PACRGL: variants seen among roughly 807,000 people sequenced by gnomAD.
The protein encoded by PACRGL is parkin coregulated like.
A neutral mutation model predicts 34.5 loss-of-function variants in PACRGL; 38 were observed. The ratio of observed to expected loss-of-function variants is 1.10; its 90% CI spans 0.85 to 1.44. The LOEUF (loss-of-function observed/expected upper bound fraction) is 1.44, where lower values mean the gene tolerates loss of function less well. Ranked by LOEUF, PACRGL falls within the 40% of genes most tolerant of loss-of-function variation. The pLI, the probability that PACRGL is intolerant of heterozygous loss-of-function variation, is 0.00. For missense variants in PACRGL, 305 were observed against 281.4 expected, an observed-to-expected ratio of 1.08 and a Z score of -0.60; for synonymous variants, 128 against 100.1, an observed-to-expected ratio of 1.28 and a Z score of -1.66.
In PACRGL at chr4:20,742,763, A is replaced by G. The variant is rs182508849; in HGVS notation, c.*57-9802A>G. Among the ~76,000 whole-genome samples the G allele has an allele frequency of 2.3e-3, 355 of 152,234 alleles. 8 individuals are homozygous for G. In the South Asian group the frequency reaches 0.046, roughly 20 times the overall value. On this transcript the variant is annotated intron_variant, in intron 8 of 8. Transcript: ENST00000507634. ...TAAAGGGTATTCAATTAGGGAAAGA[A>G]GAAGTCAAATTTTCCCTGTTTGCGG...
chr4:20,750,660 G>C (rs1156961323), intron 8 of PACRGL, among the ~76,000 whole-genome samples: 1 of 151,416 alleles, frequency 6.6e-6, no homozygotes, highest in Non-Finnish European at 1.5e-5. Flanking sequence ...TTTCCTTATT[G>C]TTTTCTGTTC....
Position 20,730,176 on chromosome 4 carries a change from G to GAAAAGTACACTAT in PACRGL, c.*2836_*2848dup. On this transcript the variant is annotated 3_prime_UTR_variant, in exon 9 of 9. Coordinates refer to ENST00000503585, the MANE Select transcript of PACRGL (RefSeq NM_001258345.3). ...CGATTAAATTCAGCATATCTGCAAGGAAAAGTACACTATTTTGCCCCTGAG... is the reference window on the plus strand; with the variant it reads ...CGATTAAATTCAGCATATCTGCAAGGAAAAGTACACTATAAAAGTACACTATTTTGCCCCTGAG... The GAAAAGTACACTAT allele has an allele frequency of 1.3e-6, 2 of 1,567,762 alleles. No individual in the cohort carries two copies. Among genetic ancestry groups the GAAAAGTACACTAT allele is most frequent in the African/African-American group, 2.7e-5 (2 of 73,382 alleles).
intron 8 of PACRGL, among the ~76,000 whole-genome samples, chr4:20,739,514 A>G (rs544181926): frequency 6.6e-6 from 1 of 152,282 alleles, no homozygotes; most frequent in South Asian, 2.1e-4. Flanking sequence ...TGACTGTTAG[A>G]AGGAAAACTG....
chr4:20,712,191 C>G (rs185195913), intron 5 of PACRGL, among the ~76,000 whole-genome samples: 3 of 149,610 alleles, frequency 2.0e-5, no homozygotes, highest in African/African-American at 7.4e-5. Context: ...ATTTTATTTT[C>G]TCTTTCTTCT....
chr4:20,723,206 T>C (rs1744159764), intron 7 of PACRGL, among the ~76,000 whole-genome samples: 1 of 152,188 alleles, frequency 6.6e-6, no homozygotes, highest in African/African-American at 2.4e-5. Flanking sequence ...TTGGCAGATA[T>C]TTGTAAGCTT....
intron 8 of PACRGL, among the ~76,000 whole-genome samples, chr4:20,725,109 G>T (rs1745070123): frequency 6.6e-6 from 1 of 152,124 alleles, no homozygotes; most frequent in Non-Finnish European, 1.5e-5. Context: ...AATAAATATA[G>T]GGCTTGTGTA....
Position 20,730,178 on chromosome 4 carries a change from A to AAAG in PACRGL, c.*2838_*2840dup. ...ATTAAATTCAGCATATCTGCAAGGA[A>AAAG]AAGTACACTATTTTGCCCCTGAGTA... On this transcript the variant is annotated 3_prime_UTR_variant, in exon 9 of 9. Coordinates refer to ENST00000503585, the MANE Select transcript of PACRGL (RefSeq NM_001258345.3). 7.7e-6 allele frequency: 12 copies of AAAG among 1,566,372 alleles called. No homozygotes were observed. The highest frequency in any genetic ancestry group is 1.0e-5 in the Non-Finnish European group (12 of 1,157,622).
chr4:20,715,713 A>G (rs1315179657), intron 7 of PACRGL, among the ~76,000 whole-genome samples: 2 of 152,068 alleles, frequency 1.3e-5, no homozygotes, highest in Non-Finnish European at 2.9e-5. Flanking sequence ...CTAAAATACA[A>G]AATACTAGCC....
intron 8 of PACRGL, among the ~76,000 whole-genome samples, chr4:20,744,950 C>T (rs1055859028): frequency 1.3e-5 from 2 of 152,116 alleles, no homozygotes; most frequent in Non-Finnish European, 2.9e-5. Flanking sequence ...AGTCAGGAAG[C>T]ACATTTTATC....
At chr4:20,701,293 C>T (rs940477494) in intron 1 of PACRGL, among the ~76,000 whole-genome samples, 1 of 152,138 alleles carries the variant, frequency 6.6e-6, no homozygotes, top group East Asian at 1.9e-4. Flanking sequence ...CAGATACCGG[C>T]AGTCCCTTGT....
rs142604859 is a variant in PACRGL, at chr4:20,747,795, G to GC, written c.*57-4767dup. Among the ~76,000 whole-genome samples the GC allele has an allele frequency of 2.3e-3, 353 of 152,234 alleles. 8 individuals carry two copies. In the South Asian group the frequency reaches 0.046, roughly 20 times the overall value. ...AGTATGTGTGAGGAGGCTCTTGCCT[G>GC]CCCTGTTCATCCTGCCCCTGTGGTG... On this transcript the variant is annotated intron_variant, in intron 8 of 8. Transcript: ENST00000507634.
At chr4:20,721,433 GT>G (rs1393363138) in intron 7 of PACRGL, among the ~76,000 whole-genome samples, 1 of 152,116 alleles carries the variant, frequency 6.6e-6, no homozygotes, top group African/African-American at 2.4e-5. Flanking sequence ...TTTCTGCTCT[GT>G]TTTTTCCCCA....
Position 20,729,490 on chromosome 4 carries a change from TAATTTTTAAATGTTTAAA to T in PACRGL, c.*2153_*2170del, listed in dbSNP as rs1747283307. On this transcript the variant is annotated 3_prime_UTR_variant, in exon 9 of 9. Coordinates refer to ENST00000503585, the MANE Select transcript of PACRGL (RefSeq NM_001258345.3). ...AATAAACTAATTTTTAAATGTTTAA[TAATTTTTAAATGTTTAAA>T]AATGCCAGATAAAACTAATTTCTAA... 1 of 119,136 alleles carries T rather than the reference TAATTTTTAAATGTTTAAA, an allele frequency of 8.4e-6. No individual in the cohort carries two copies. Among genetic ancestry groups the T allele is most frequent in the African/African-American group, 3.7e-5 (1 of 27,322 alleles). 7.4% of individuals were successfully genotyped at this position (119,136 alleles called of 1,614,324 possible).
chr4:20,750,942 G>A (rs1301057373), intron 8 of PACRGL, among the ~76,000 whole-genome samples: 1 of 151,914 alleles, frequency 6.6e-6, no homozygotes, highest in Non-Finnish European at 1.5e-5. Context: ...CTTTTTATAG[G>A]CTGTCAAGAA....
chr4:20,725,030 G>A (rs1745030639), intron 8 of PACRGL, 142 bp downstream of exon 8: 2 of 501,106 alleles, frequency 4.0e-6, no homozygotes, highest in Admixed American at 8.0e-5. Context: ...TTTCCTTTTA[G>A]AACTCAAGAG....
At chr4:20,713,592 C>T in intron 7 of PACRGL, 53 bp downstream of exon 7, 1 of 1,371,630 alleles carries the variant, frequency 7.3e-7, no homozygotes, top group Non-Finnish European at 1.0e-6. Flanking sequence ...ATGCACCATC[C>T]ATATCTCTTC....
At chr4:20,701,749 TCCCC>T in intron 1 of PACRGL, 2 of 409,184 alleles carry the variant, frequency 4.9e-6, no homozygotes, top group Non-Finnish European at 9.9e-6. Flanking sequence ...ACTCCCTCCC[TCCCC>T]CCAGTCTCTT....
At chr4:20,750,454 CTCTG>C (rs1753411655) in intron 8 of PACRGL, among the ~76,000 whole-genome samples, 1 of 152,128 alleles carries the variant, frequency 6.6e-6, no homozygotes, top group South Asian at 2.1e-4. Flanking sequence ...GGAGCCCCTA[CTCTG>C]TCTGGGTCCT....
chr4:20,745,607 C>CA (rs1002889518), intron 8 of PACRGL, among the ~76,000 whole-genome samples: 1 of 152,046 alleles, frequency 6.6e-6, no homozygotes, highest in Non-Finnish European at 1.5e-5. Flanking sequence ...CCCTAAAGTA[C>CA]AAAAAATGAT....
Sources: gnomAD v4.1 joint callset for allele counts (sites outside exome capture counted in the v4.1 genomes callset) on GRCh38, gnomAD v4.1.1 for gene constraint, MANE v1.5 for transcripts, NCBI Gene and HGNC (gene_info 2026-07-23, HGNC 2026-07-21) for gene names.